Variants in CCDC178 observed in about 807,000 individuals in gnomAD.
CCDC178 encodes coiled-coil domain-containing protein 178.
A neutral mutation model predicts 117.4 loss-of-function variants in CCDC178; 126 were observed. The ratio of observed to expected loss-of-function variants is 1.07; its 90% CI spans 0.93 to 1.24. CCDC178 has a LOEUF of 1.24. CCDC178 is among the 50% of genes most tolerant of loss of function. The pLI, the probability that CCDC178 is intolerant of heterozygous loss-of-function variation, is 0.00. For missense variants in CCDC178, 1,030 were observed against 986.9 expected (o/e 1.04, Z -0.59); for synonymous variants, 283 against 313.4 (o/e 0.90, Z 1.02).
chr18:33,352,056 T>A (rs1232836807), intron 7 of CCDC178, among the ~76,000 whole-genome samples: 1 of 152,156 alleles, frequency 6.6e-6, no homozygotes, highest in Non-Finnish European at 1.5e-5. Context: ...GTCCTGAGAT[T>A]TTTTTTGTTG....
At chr18:32,987,530 T>C (rs2144731683) in intron 21 of CCDC178, among the ~76,000 whole-genome samples, 1 of 152,268 alleles carries the variant, frequency 6.6e-6, no homozygotes, top group African/African-American at 2.4e-5. Context: ...TATGCATATA[T>C]ATGTGTACAT....
intron 21 of CCDC178, among the ~76,000 whole-genome samples, chr18:33,052,556 T>C (rs1023395989): frequency 6.6e-6 from 1 of 152,086 alleles, no homozygotes; most frequent in Non-Finnish European, 1.5e-5. Flanking sequence ...CAAATCACTA[T>C]AAAGAAGGAA....
chr18:33,125,104 T>C (rs1351210862), intron 20 of CCDC178, among the ~76,000 whole-genome samples: 2 of 152,138 alleles, frequency 1.3e-5, no homozygotes, highest in Non-Finnish European at 2.9e-5. Flanking sequence ...GGGTATCTAT[T>C]TCCCAGTTTA....
chr18:33,286,697 C>T (rs1017913545), intron 12 of CCDC178, among the ~76,000 whole-genome samples: 1 of 152,096 alleles, frequency 6.6e-6, no homozygotes, highest in African/African-American at 2.4e-5. Context: ...AAGGAATCCA[C>T]TTATATGCAA....
At chr18:33,372,697 T>C (rs1382247656) in intron 5 of CCDC178, among the ~76,000 whole-genome samples, 2 of 152,124 alleles carry the variant, frequency 1.3e-5, no homozygotes, top group Non-Finnish European at 1.5e-5. Flanking sequence ...GAAACTTCCA[T>C]TTGAGAAAAA....
intron 17 of CCDC178, among the ~76,000 whole-genome samples, chr18:33,224,080 A>G (rs1202578023): frequency 6.6e-6 from 1 of 152,190 alleles, no homozygotes; most frequent in Non-Finnish European, 1.5e-5. Context: ...TTAAGAAATA[A>G]AGACATTTTG....
intron 20 of CCDC178, among the ~76,000 whole-genome samples, chr18:33,200,134 T>C (rs2058975988): frequency 6.6e-6 from 1 of 152,212 alleles, no homozygotes; most frequent in Non-Finnish European, 1.5e-5. Flanking sequence ...AAATATCGTT[T>C]TTCTGTCTCC....
chr18:33,025,249 C>T (rs928964743), intron 21 of CCDC178, among the ~76,000 whole-genome samples: 26 of 152,006 alleles, frequency 1.7e-4, no homozygotes, highest in South Asian at 4.1e-4. Context: ...AAAAATTATT[C>T]GACAAAACTT....
chr18:33,116,519 T>C (rs1202962357), intron 20 of CCDC178, among the ~76,000 whole-genome samples: 2 of 152,124 alleles, frequency 1.3e-5, no homozygotes, highest in African/African-American at 4.8e-5. Context: ...GGCTTAGTGT[T>C]TGACACACAA....
chr18:33,063,655 T>C (rs376459646), intron 21 of CCDC178, among the ~76,000 whole-genome samples: 32 of 152,138 alleles, frequency 2.1e-4, no homozygotes, highest in African/African-American at 7.7e-4. Flanking sequence ...TCCCACCTTC[T>C]TGACCCTTTG....
intron 21 of CCDC178, among the ~76,000 whole-genome samples, chr18:33,072,335 T>C (rs942749289): frequency 1.3e-5 from 2 of 152,102 alleles, no homozygotes; most frequent in South Asian, 4.1e-4. Context: ...ATAAAATAAA[T>C]CGAAGAGAGT....
rs1284228697 is a variant in CCDC178 at position 33,016,624 on chromosome 18, A to G, written c.2389-41943T>C. Among the ~76,000 whole-genome samples, 3 of 151,962 alleles carry G rather than the reference A, an allele frequency of 2.0e-5. No homozygotes were observed. The East Asian group carries it at 5.8e-4, about 29-fold the overall frequency. The stretch of plus-strand genomic sequence containing the variant: ...ATTTGTATGACAGTAACAGAGAAAA[A>G]AGGGAGGGGGATCAGAGCTTTATTG... On this transcript the variant is annotated intron_variant, in intron 21 of 22. Transcript: ENST00000383096.
At chr18:33,009,815 C>T (rs1287968905) in intron 21 of CCDC178, among the ~76,000 whole-genome samples, 1 of 152,052 alleles carries the variant, frequency 6.6e-6, no homozygotes, top group Non-Finnish European at 1.5e-5. Flanking sequence ...GTCTCTGATC[C>T]ATCAATAGTA....
chr18:33,055,082 A>C (rs1345508289), intron 21 of CCDC178, among the ~76,000 whole-genome samples: 1 of 152,140 alleles, frequency 6.6e-6, no homozygotes, highest in Non-Finnish European at 1.5e-5. Flanking sequence ...CTTCTTTTGA[A>C]AAGTGTCTGT....
intron 11 of CCDC178, among the ~76,000 whole-genome samples, chr18:33,316,139 C>T (rs563057195): frequency 6.6e-6 from 1 of 152,328 alleles, no homozygotes; most frequent in Non-Finnish European, 1.5e-5. Flanking sequence ...GCTTGAGGAG[C>T]CCTTCAGCCC....
chr18:33,371,230 A>C (rs1362316835), intron 5 of CCDC178, among the ~76,000 whole-genome samples: 1 of 151,960 alleles, frequency 6.6e-6, no homozygotes, highest in Non-Finnish European at 1.5e-5. Context: ...TTTATAAATA[A>C]AAGTGTTCAG....
intron 20 of CCDC178, among the ~76,000 whole-genome samples, chr18:33,183,469 C>T (rs2058754191): frequency 6.6e-6 from 1 of 152,020 alleles, no homozygotes. Flanking sequence ...AAATTTCAGA[C>T]TAGCAGGTTT....
At chr18:33,031,962 T>C (rs2056352864) in intron 21 of CCDC178, among the ~76,000 whole-genome samples, 1 of 152,076 alleles carries the variant, frequency 6.6e-6, no homozygotes, top group Admixed American at 6.6e-5. Flanking sequence ...TAAATTTCAT[T>C]AATATAATGT....
intron 5 of CCDC178, among the ~76,000 whole-genome samples, chr18:33,383,358 G>A (rs772640838): frequency 6.6e-6 from 1 of 152,012 alleles, no homozygotes; most frequent in Non-Finnish European, 1.5e-5. Flanking sequence ...TAATGCACCA[G>A]CTCCACTAAG....
Sources: gnomAD v4.1 joint callset for allele counts (sites outside exome capture counted in the v4.1 genomes callset) on GRCh38, gnomAD v4.1.1 for gene constraint, MANE v1.5 for transcripts, NCBI Gene and HGNC (gene_info 2026-07-23, HGNC 2026-07-21) for gene names.